The following MMP16 variants were observed in gnomAD, a reference collection of about 807,000 sequenced individuals.
MMP16 encodes the protein matrix metalloproteinase-16.
MMP16 carries 12 observed loss-of-function variants against 67.8 expected under a neutral mutation model. The observed-to-expected ratio is 0.18, with a 90% CI of 0.11 to 0.29. The LOEUF (loss-of-function observed/expected upper bound fraction) is 0.29. Among genes scored for constraint, MMP16 ranks in the 10% least tolerant of loss-of-function variants. The pLI, the probability that MMP16 is intolerant of heterozygous loss-of-function variation, is 1.00. For missense variants in MMP16, 475 were observed against 765.7 expected (o/e 0.62, Z 4.48); for synonymous variants, 249 against 255.9 (o/e 0.97, Z 0.26).
intron 7 of MMP16, among the ~76,000 whole-genome samples, chr8:88,062,061 A>T (rs183052158): frequency 2.0e-3 from 306 of 152,272 alleles, no homozygotes; most frequent in Non-Finnish European, 3.4e-3. Context: ...TATCTGTGGC[A>T]TAGAATTCAT....
At chr8:88,093,517 G>C (rs1808974803) in intron 6 of MMP16, among the ~76,000 whole-genome samples, 1 of 151,754 alleles carries the variant, frequency 6.6e-6, no homozygotes, top group South Asian at 2.1e-4. Flanking sequence ...AGTACTGAAT[G>C]AACTGGCCAG....
At chr8:88,217,480 A>C (rs1809612554) in intron 1 of MMP16, among the ~76,000 whole-genome samples, 1 of 152,120 alleles carries the variant, frequency 6.6e-6, no homozygotes, top group East Asian at 1.9e-4. Context: ...AATATCTGTA[A>C]TATTAATCCA....
intron 1 of MMP16, among the ~76,000 whole-genome samples, chr8:88,277,526 G>A (rs905243025): frequency 5.9e-5 from 9 of 151,796 alleles, no homozygotes; most frequent in Non-Finnish European, 4.4e-5. Flanking sequence ...TTTCTGGATC[G>A]ACTATAGCTG....
intron 1 of MMP16, among the ~76,000 whole-genome samples, chr8:88,225,832 T>C (rs1809760334): frequency 6.6e-6 from 1 of 152,000 alleles, no homozygotes; most frequent in Non-Finnish European, 1.5e-5. Flanking sequence ...ATCACAAGTG[T>C]TTTGTCTATT....
intron 4 of MMP16, among the ~76,000 whole-genome samples, chr8:88,141,474 C>T (rs1414909595): frequency 2.0e-5 from 3 of 152,158 alleles, no homozygotes; most frequent in African/African-American, 7.2e-5. Context: ...TGTGTGCCTG[C>T]TGTGCAGCCA....
chr8:88,096,274 T>C (rs1323034377), intron 6 of MMP16, among the ~76,000 whole-genome samples: 1 of 151,946 alleles, frequency 6.6e-6, no homozygotes, highest in Admixed American at 6.6e-5. Context: ...TATGAGATTA[T>C]TATGGAAGAT....
intron 1 of MMP16, among the ~76,000 whole-genome samples, chr8:88,316,237 G>C (rs1300889121): frequency 6.6e-6 from 1 of 152,166 alleles, no homozygotes; most frequent in Non-Finnish European, 1.5e-5. Flanking sequence ...TAAAATAATC[G>C]ATGTAGGTGG....
At chr8:88,049,130 A>G (rs1035128049) in intron 8 of MMP16, among the ~76,000 whole-genome samples, 1 of 152,212 alleles carries the variant, frequency 6.6e-6, no homozygotes, top group Admixed American at 6.5e-5. Context: ...ATCACATCGA[A>G]GATGAGAACA....
At chr8:88,052,628 G>A (rs893636637) in intron 8 of MMP16, among the ~76,000 whole-genome samples, 1 of 152,152 alleles carries the variant, frequency 6.6e-6, no homozygotes, top group Admixed American at 6.5e-5. Context: ...GTTTGCCATG[G>A]GCTACAGGGC....
At chr8:88,311,940 A>G (rs1476262939) in intron 1 of MMP16, among the ~76,000 whole-genome samples, 3 of 152,190 alleles carry the variant, frequency 2.0e-5, no homozygotes, top group Admixed American at 6.5e-5. Flanking sequence ...CTTAAGATAT[A>G]CATTAGAGGA....
intron 1 of MMP16, among the ~76,000 whole-genome samples, chr8:88,214,213 C>G (rs534002183): frequency 6.0e-4 from 92 of 152,278 alleles, no homozygotes; most frequent in African/African-American, 1.9e-3. Flanking sequence ...ATGGGCCTCT[C>G]ACATTCATCA....
At position 88,103,742 on chromosome 8, in the gene MMP16, A is replaced by C. The variant is rs1229867564; in HGVS notation, c.1083+12765T>G. ...ATAATTTAACAAAACTCTCTGAATT[A>C]ATTGCCAAATACCTTGTCACTCTGC... On this transcript the variant is annotated intron_variant, in intron 6 of 9. Transcript: ENST00000286614. 2.0e-5 allele frequency among the ~76,000 whole-genome samples: 3 copies of C among 151,852 alleles called. No individual in the cohort carries two copies. The South Asian group carries it at 6.2e-4, about 31-fold the overall frequency.
chr8:88,083,716 A>G (rs1355713628), intron 6 of MMP16, among the ~76,000 whole-genome samples: 1 of 152,056 alleles, frequency 6.6e-6, no homozygotes, highest in Non-Finnish European at 1.5e-5. Context: ...AGTTCATGAG[A>G]GTTAGCTTTT....
At chr8:88,089,428 G>A (rs1017968882) in intron 6 of MMP16, among the ~76,000 whole-genome samples, 2 of 151,926 alleles carry the variant, frequency 1.3e-5, no homozygotes, top group African/African-American at 4.8e-5. Context: ...GGATGTTGTG[G>A]GGATGCATGC....
chr8:88,290,060 T>C (rs1810898876), intron 1 of MMP16, among the ~76,000 whole-genome samples: 1 of 152,078 alleles, frequency 6.6e-6, no homozygotes, highest in South Asian at 2.1e-4. Context: ...TGCATATCCA[T>C]AAATGACCAG....
chr8:88,185,062 T>C (rs1379082558), intron 3 of MMP16, among the ~76,000 whole-genome samples: 3 of 152,194 alleles, frequency 2.0e-5, no homozygotes, highest in Non-Finnish European at 2.9e-5. Flanking sequence ...GCTTCATCTT[T>C]GATTTTTCTT....
chr8:88,147,705 A>C (rs1263274459), intron 4 of MMP16, among the ~76,000 whole-genome samples: 2 of 151,482 alleles, frequency 1.3e-5, no homozygotes, highest in Non-Finnish European at 2.9e-5. Context: ...ATTGTACCTA[A>C]TGAGTCTTTT....
At chr8:88,320,497 C>T (rs1266281738) in intron 1 of MMP16, among the ~76,000 whole-genome samples, 1 of 152,092 alleles carries the variant, frequency 6.6e-6, no homozygotes, top group African/African-American at 2.4e-5. Flanking sequence ...TTATAATATT[C>T]TTTGTTATAC....
chr8:88,244,755 A>G (rs960545759), intron 1 of MMP16, among the ~76,000 whole-genome samples: 13 of 152,204 alleles, frequency 8.5e-5, no homozygotes, highest in African/African-American at 2.9e-4. Context: ...TGGCTATAAC[A>G]TCTTTCTTTA....
Sources: gnomAD v4.1 joint callset for allele counts (sites outside exome capture counted in the v4.1 genomes callset) on GRCh38, gnomAD v4.1.1 for gene constraint, MANE v1.5 for transcripts, NCBI Gene and HGNC (gene_info 2026-07-23, HGNC 2026-07-21) for gene names.